The following SEMA6D variants were observed in gnomAD, a reference collection of about 807,000 sequenced individuals.
The protein encoded by SEMA6D is semaphorin-6D.
Under a neutral mutation model 106.6 loss-of-function variants are expected in SEMA6D, and 35 were observed. That is an observed-to-expected ratio of 0.33 (90% CI 0.25 to 0.44). The LOEUF is 0.44. SEMA6D is among the 20% of genes least tolerant of loss of function. The pLI, the probability that SEMA6D is intolerant of heterozygous loss-of-function variation, is 1.00. For missense variants in SEMA6D, 1,185 were observed against 1,345.9 expected (o/e 0.88, Z 1.87); for synonymous variants, 499 against 487.7 (o/e 1.02, Z -0.31).
At chr15:47,468,967 A>G (rs2042745958) in intron 2 of SEMA6D, among the ~76,000 whole-genome samples, 1 of 151,986 alleles carries the variant, frequency 6.6e-6, no homozygotes, top group African/African-American at 2.4e-5. Flanking sequence ...TTTCCTTTTC[A>G]TTGGCCCCTG....
chr15:47,350,222 G>A (rs2038265513), intron 1 of SEMA6D, among the ~76,000 whole-genome samples: 1 of 115,674 alleles, frequency 8.6e-6, no homozygotes, highest in Admixed American at 9.3e-5. Context: ...CTTTATTGTT[G>A]TCAAACCTGC....
rs368956392 is a variant in SEMA6D, at chr15:47,761,628, A to G, written c.448-33A>G. ...GCCTTCAAACGGGCACGTTGAATAGATATGACACTGGCTATTTACTTTTCT... is the reference window on the plus strand; with the variant it reads ...GCCTTCAAACGGGCACGTTGAATAGGTATGACACTGGCTATTTACTTTTCT... On this transcript the variant is annotated intron_variant, in intron 6 of 18. Transcript: ENST00000536845. 5 of 1,519,796 alleles carry G rather than the reference A, an allele frequency of 3.3e-6. No homozygotes were observed. In the African/African-American group the frequency reaches 6.9e-5, roughly 21 times the overall value. The allele number at this position is 1,519,796 out of a possible 1,614,324, so 94.1% of individuals were successfully genotyped here.
In SEMA6D at chr15:47,763,084, G is replaced by A. The variant is rs2082149721; in HGVS notation, c.727G>A (p.Glu243Lys). The A allele has an allele frequency of 6.2e-7, 1 of 1,612,078 alleles. No individual in the cohort carries two copies. The highest frequency in any genetic ancestry group is 2.2e-5 in the East Asian group (1 of 44,728). The change falls in exon 9 of 19, where the codon GAA becomes AAA. Residue 243 changes from glutamate to lysine, a missense_variant. Coordinates refer to ENST00000536845, the MANE Select transcript of SEMA6D (RefSeq NM_001358351.3). The part of the protein sequence containing the change: ...VYFFFREIAV[E>K]HNNLGKAVYS... Reference sequence around the variant, plus strand: ...TTTCTTCTTTCGAGAAATCGCTGTCGAACATAATAATTTAGGCAAGGCAAG... The same window carrying A: ...TTTCTTCTTTCGAGAAATCGCTGTCAAACATAATAATTTAGGCAAGGCAAG...
At chr15:47,320,044 C>T (rs2036862585) in intron 1 of SEMA6D, among the ~76,000 whole-genome samples, 1 of 152,100 alleles carries the variant, frequency 6.6e-6, no homozygotes, top group African/African-American at 2.4e-5. Context: ...CTGTGCCCTC[C>T]TCTCTCTTGA....
chr15:47,385,961 T>G (rs2039824847), intron 1 of SEMA6D, among the ~76,000 whole-genome samples: 1 of 152,236 alleles, frequency 6.6e-6, no homozygotes, highest in Non-Finnish European at 1.5e-5. Context: ...TGTGCAGCAT[T>G]GGGCAAGTCA....
chr15:47,692,003 A>G (rs2078596911), intron 4 of SEMA6D, among the ~76,000 whole-genome samples: 1 of 152,238 alleles, frequency 6.6e-6, no homozygotes, highest in African/African-American at 2.4e-5. Flanking sequence ...GCTCTATGCA[A>G]AGAGCAAGAG....
Position 47,774,059 on chromosome 15 carries a change from C to T in SEMA6D, c.*2274C>T, listed in dbSNP as rs992950599. On this transcript the variant is annotated 3_prime_UTR_variant, in exon 19 of 19. Coordinates refer to ENST00000536845, the MANE Select transcript of SEMA6D (RefSeq NM_001358351.3). Reference sequence around the variant, plus strand: ...GCAGATTGTATCTTTTTTAATGGTACGGCATAAAAAGTAACCCTCAAGTGA... The same window carrying T: ...GCAGATTGTATCTTTTTTAATGGTATGGCATAAAAAGTAACCCTCAAGTGA... The T allele has an allele frequency of 5.9e-5, 9 of 152,510 alleles. No individual in the cohort carries two copies. Among genetic ancestry groups the T allele is most frequent in the African/African-American group, 1.9e-4 (8 of 41,488 alleles). The allele number at this position is 152,510 out of a possible 1,614,324, so 9.4% of individuals were successfully genotyped here. A position where few individuals can be genotyped will look rare whatever the true frequency, so the allele number is the denominator to read the frequency against.
intron 3 of SEMA6D, among the ~76,000 whole-genome samples, chr15:47,501,980 T>C (rs1239360207): frequency 6.6e-6 from 1 of 152,124 alleles, no homozygotes; most frequent in Non-Finnish European, 1.5e-5. Flanking sequence ...TTATCAATTA[T>C]TCAGGTTCAG....
At chr15:47,559,734 C>G (rs929895342) in intron 3 of SEMA6D, among the ~76,000 whole-genome samples, 1 of 151,968 alleles carries the variant, frequency 6.6e-6, no homozygotes, top group Admixed American at 6.6e-5. Flanking sequence ...TCAAGCCACC[C>G]AAAAATACCA....
intron 1 of SEMA6D, among the ~76,000 whole-genome samples, chr15:47,747,818 G>A (rs566678239): frequency 6.6e-6 from 1 of 152,296 alleles, no homozygotes; most frequent in African/African-American, 2.4e-5. Flanking sequence ...TAGAAAAAAG[G>A]CCATTGGCCA....
At chr15:47,271,361 A>G (rs1453599030) in intron 1 of SEMA6D, among the ~76,000 whole-genome samples, 1 of 152,162 alleles carries the variant, frequency 6.6e-6, no homozygotes, top group Non-Finnish European at 1.5e-5. Flanking sequence ...GCTGGGTCTT[A>G]CCTGGGAATA....
intron 2 of SEMA6D, among the ~76,000 whole-genome samples, chr15:47,424,255 T>C (rs1367116848): frequency 6.6e-6 from 1 of 151,870 alleles, no homozygotes; most frequent in Non-Finnish European, 1.5e-5. Context: ...TTCCTGCTGG[T>C]AATCGAAAAT....
intron 1 of SEMA6D, among the ~76,000 whole-genome samples, chr15:47,411,425 C>A (rs998574007): frequency 4.6e-5 from 7 of 152,028 alleles, no homozygotes; most frequent in Non-Finnish European, 8.8e-5. Flanking sequence ...AGAACTACCC[C>A]TATAGTTCTG....
intron 1 of SEMA6D, among the ~76,000 whole-genome samples, chr15:47,195,545 T>G (rs957715691): frequency 1.2e-4 from 19 of 152,174 alleles, no homozygotes; most frequent in African/African-American, 4.6e-4. Context: ...TTGCATGATT[T>G]GTGGTTATAA....
chr15:47,700,983 T>C (rs2078798977), intron 4 of SEMA6D, among the ~76,000 whole-genome samples: 1 of 152,182 alleles, frequency 6.6e-6, no homozygotes, highest in South Asian at 2.1e-4. Flanking sequence ...TGTAAAACTA[T>C]AAAATTTCTA....
intron 1 of SEMA6D, among the ~76,000 whole-genome samples, chr15:47,315,469 C>G (rs1172308660): frequency 6.6e-6 from 1 of 152,188 alleles, no homozygotes; most frequent in Non-Finnish European, 1.5e-5. Context: ...TGTTCTTTCA[C>G]CAATACCACA....
At chr15:47,200,761 A>G (rs1192099147) in intron 1 of SEMA6D, among the ~76,000 whole-genome samples, 1 of 152,250 alleles carries the variant, frequency 6.6e-6, no homozygotes, top group Non-Finnish European at 1.5e-5. Context: ...TACAAACATC[A>G]TATGAATACA....
At chr15:47,678,478 T>C (rs2145539749) in intron 4 of SEMA6D, among the ~76,000 whole-genome samples, 1 of 152,326 alleles carries the variant, frequency 6.6e-6, no homozygotes, top group South Asian at 2.1e-4. Flanking sequence ...CCAGGTTATT[T>C]TGTTTGATCC....
intron 1 of SEMA6D, among the ~76,000 whole-genome samples, chr15:47,193,108 G>A (rs888753887): frequency 6.6e-6 from 1 of 152,176 alleles, no homozygotes; most frequent in Non-Finnish European, 1.5e-5. Context: ...ATATTGCATG[G>A]TGTTTGAAGC....
Sources: gnomAD v4.1 joint callset for allele counts (sites outside exome capture counted in the v4.1 genomes callset) on GRCh38, gnomAD v4.1.1 for gene constraint, MANE v1.5 for transcripts, NCBI Gene and HGNC (gene_info 2026-07-23, HGNC 2026-07-21) for gene names.